Variants in CNTNAP5 observed in about 807,000 individuals in gnomAD.
CNTNAP5 encodes the protein contactin-associated protein-like 5.
CNTNAP5 carries 72 observed loss-of-function variants against 150.2 expected under a neutral mutation model. That is an observed-to-expected ratio of 0.48 (90% CI 0.40 to 0.58). CNTNAP5 has a LOEUF of 0.58. Among genes scored for constraint, CNTNAP5 ranks in the 20% least tolerant of loss-of-function variants. The pLI is 0.00. For missense variants in CNTNAP5, 1,636 were observed against 1,626.2 expected (o/e 1.01, Z -0.10); for synonymous variants, 672 against 619.8 (o/e 1.08, Z -1.25).
chr2:124,630,438 T>C (rs1030605484), intron 12 of CNTNAP5, among the ~76,000 whole-genome samples: 1 of 152,182 alleles, frequency 6.6e-6, no homozygotes, highest in Non-Finnish European at 1.5e-5. Context: ...TCAATAAATG[T>C]AATTCATCAC....
chr2:124,767,106 T>C (rs1207630834), intron 16 of CNTNAP5, among the ~76,000 whole-genome samples: 3 of 152,172 alleles, frequency 2.0e-5, no homozygotes, highest in Non-Finnish European at 4.4e-5. Context: ...AAAGGGTTCA[T>C]GGCAAGAAAC....
chr2:124,726,989 A>G (rs1219192144), intron 13 of CNTNAP5, among the ~76,000 whole-genome samples: 1 of 151,966 alleles, frequency 6.6e-6, no homozygotes, highest in African/African-American at 2.4e-5. Flanking sequence ...TAAATTTTTA[A>G]TCAATTTTTA....
intron 1 of CNTNAP5, among the ~76,000 whole-genome samples, chr2:124,198,129 A>T (rs935882937): frequency 1.1e-4 from 16 of 151,852 alleles, no homozygotes; most frequent in Non-Finnish European, 2.2e-4. Context: ...TTCCACTTTA[A>T]TTTTTATCTG....
At chr2:124,398,288 G>C (rs894561058) in intron 3 of CNTNAP5, among the ~76,000 whole-genome samples, 1 of 152,100 alleles carries the variant, frequency 6.6e-6, no homozygotes. Context: ...AACAAGGAGA[G>C]TGCCACCAGC....
In CNTNAP5 at chr2:124,647,806, G is replaced by A. The variant is rs371834823; in HGVS notation, c.1925G>A (p.Arg642Gln). ...SVQHNNTELT[R>Q]VRGANPEKPY... ...CAGCACAACAATACAGAGCTGACCC[G>A]AGTGCGGGGCGCTAACCCTGAGAAG... Residue 642 changes from arginine (R) to glutamine (Q), a missense_variant, in exon 13 of 24, where the codon CGA becomes CAA. Coordinates refer to ENST00000682447, the MANE Select transcript of CNTNAP5 (RefSeq NM_001367498.1). The A allele has an allele frequency of 3.5e-5, 56 of 1,613,346 alleles. No homozygotes were observed. The highest frequency in any genetic ancestry group is 1.7e-4 in the Middle Eastern group (1 of 6,060).
intron 12 of CNTNAP5, among the ~76,000 whole-genome samples, chr2:124,622,418 T>C (rs1677636747): frequency 6.6e-6 from 1 of 152,198 alleles, no homozygotes; most frequent in Admixed American, 6.5e-5. Flanking sequence ...GTGAATAATG[T>C]TGCAATGAAC....
chr2:124,742,766 T>A (rs1318747048), intron 13 of CNTNAP5, among the ~76,000 whole-genome samples: 3 of 152,068 alleles, frequency 2.0e-5, no homozygotes, highest in Admixed American at 2.0e-4. Flanking sequence ...TCAGTCGTAT[T>A]TTTTTTATAC....
At chr2:124,701,441 G>A (rs191582972) in intron 13 of CNTNAP5, among the ~76,000 whole-genome samples, 7 of 152,052 alleles carry the variant, frequency 4.6e-5, no homozygotes, top group South Asian at 2.1e-4. Flanking sequence ...GGATGCTTAC[G>A]TTGTTTTCAT....
chr2:124,838,733 T>C (rs1382847657), intron 19 of CNTNAP5, among the ~76,000 whole-genome samples: 2 of 152,156 alleles, frequency 1.3e-5, no homozygotes, highest in Non-Finnish European at 2.9e-5. Context: ...TTGCCAACTG[T>C]AGCAAATAAT....
chr2:124,633,146 A>G (rs1337413406), intron 12 of CNTNAP5, among the ~76,000 whole-genome samples: 1 of 152,086 alleles, frequency 6.6e-6, no homozygotes, highest in African/African-American at 2.4e-5. Context: ...TCCTTCTCAT[A>G]TTTCAAAATA....
At chr2:124,724,930 T>TTG (rs1224071148) in intron 13 of CNTNAP5, among the ~76,000 whole-genome samples, 1 of 150,374 alleles carries the variant, frequency 6.7e-6, no homozygotes, top group Non-Finnish European at 1.5e-5. Context: ...TAGCTTTTTT[T>TTG]TTTTTTTTTT....
chr2:124,176,341 T>C (rs1685062918), intron 1 of CNTNAP5, among the ~76,000 whole-genome samples: 1 of 152,206 alleles, frequency 6.6e-6, no homozygotes, highest in African/African-American at 2.4e-5. Context: ...AACTTGATGA[T>C]GAAAGATTGT....
intron 1 of CNTNAP5, among the ~76,000 whole-genome samples, chr2:124,183,674 G>A (rs955455124): frequency 2.0e-5 from 3 of 152,072 alleles, no homozygotes; most frequent in Admixed American, 2.0e-4. Flanking sequence ...TGTTTCTAAT[G>A]TTTACTTTAG....
At chr2:124,885,747 A>G (rs1181266785) in intron 21 of CNTNAP5, among the ~76,000 whole-genome samples, 4 of 151,882 alleles carry the variant, frequency 2.6e-5, no homozygotes, top group African/African-American at 9.7e-5. Context: ...CACTTCTTTC[A>G]CTTAGCATAG....
rs924252732 is a variant in CNTNAP5 at position 124,705,139 on chromosome 2, A to C, written c.2078-42090A>C. Among the ~76,000 whole-genome samples, 3 of 152,094 alleles carry C rather than the reference A, an allele frequency of 2.0e-5. No individual in the cohort carries two copies. The South Asian group carries it at 6.2e-4, about 31-fold the overall frequency. On this transcript the variant is annotated intron_variant, in intron 13 of 23. Transcript: ENST00000682447. Reference sequence around the variant, plus strand: ...TATGTATTACACACACACTTTTTTTAATAGAGTGTAGCGTATGTACAAGCA... The same window carrying C: ...TATGTATTACACACACACTTTTTTTCATAGAGTGTAGCGTATGTACAAGCA...
chr2:124,735,357 A>T (rs545575940), intron 13 of CNTNAP5, among the ~76,000 whole-genome samples: 1 of 152,242 alleles, frequency 6.6e-6, no homozygotes, highest in South Asian at 2.1e-4. Flanking sequence ...ACTGAGAAAA[A>T]ATATAGAGGT....
intron 13 of CNTNAP5, among the ~76,000 whole-genome samples, chr2:124,694,008 G>A (rs1679353497): frequency 6.6e-6 from 1 of 151,912 alleles, no homozygotes; most frequent in Non-Finnish European, 1.5e-5. Context: ...AACAACAATG[G>A]GATTTCGTAT....
chr2:124,571,522 T>TTTTTC (rs1696153060), intron 11 of CNTNAP5, among the ~76,000 whole-genome samples: 5 of 73,932 alleles, frequency 6.8e-5, no homozygotes, highest in Admixed American at 3.7e-4. Flanking sequence ...TTTTTTTTCT[T>TTTTTC]TTTTCTTTTT....
chr2:124,760,293 G>A (rs1047929054), intron 14 of CNTNAP5, among the ~76,000 whole-genome samples: 7 of 151,852 alleles, frequency 4.6e-5, no homozygotes, highest in African/African-American at 9.7e-5. Flanking sequence ...CTGAGTGACT[G>A]AAAGAGGAAA....
Sources: allele counts gnomAD v4.1 joint callset (sites outside exome capture counted in the v4.1 genomes callset), GRCh38; gene constraint gnomAD v4.1.1; transcripts MANE v1.5; gene names NCBI Gene and HGNC (gene_info 2026-07-23, HGNC 2026-07-21).